CATSPERE: variants seen among roughly 807,000 people sequenced by gnomAD.
CATSPERE encodes the protein catsper channel auxiliary subunit epsilon, also known as cation channel sperm-associated auxiliary subunit epsilon.
Under a neutral mutation model 114.1 loss-of-function variants are expected in CATSPERE, and 93 were observed. The observed-to-expected ratio is 0.81, with a 90% confidence interval of 0.69 to 0.97. CATSPERE has a LOEUF of 0.97. Among genes scored for constraint, CATSPERE ranks in the 50% least tolerant of loss-of-function variants. CATSPERE has a pLI of 0.00. For synonymous variants in CATSPERE, 341 were observed against 384.1 expected, an observed-to-expected ratio of 0.89 and a Z score of 1.31; for missense variants, 1,058 against 1,131.6, an observed-to-expected ratio of 0.93 and a Z score of 0.93.
In CATSPERE at chr1:244,565,107, C is replaced by T. The variant is rs561138055; in HGVS notation, c.1507+3962C>T. ...ATCCCAGAGATGAAGCCGACTTGAT[C>T]GTAGTGGATAAGTTTTTTAATGTGC... On this transcript the variant is annotated intron_variant, in intron 10 of 21. Transcript: ENST00000366534. Among the ~76,000 whole-genome samples, 63 of 152,240 alleles carry T rather than the reference C, an allele frequency of 4.1e-4. No individual in the cohort carries two copies. The South Asian group carries it at 0.01, about 25-fold the overall frequency.
rs1386182261 is a variant in CATSPERE, at chr1:244,455,191, C to G, written n.237+578C>G. 2.0e-5 allele frequency among the ~76,000 whole-genome samples: 3 copies of G among 152,142 alleles called. No homozygotes were observed. The East Asian group carries it at 5.8e-4, about 29-fold the overall frequency. ...TGGGGGGTCTGGGTTCTATTCCTGGCTTCTGGAATGATTCCCTTCTGGTTT... is the reference window on the plus strand; with the variant it reads ...TGGGGGGTCTGGGTTCTATTCCTGGGTTCTGGAATGATTCCCTTCTGGTTT... On this transcript the variant is annotated intron_variant and non_coding_transcript_variant, in intron 1 of 15. Transcript: ENST00000473875.
intron 11 of CATSPERE, among the ~76,000 whole-genome samples, chr1:244,576,298 GC>G (rs1372067357): frequency 1.3e-5 from 2 of 151,910 alleles, no homozygotes; most frequent in Admixed American, 1.3e-4. Flanking sequence ...ACTAGAGACT[GC>G]CCCCAGAGGA....
At chr1:244,634,887 C>T (rs2806600) in intron 20 of CATSPERE, among the ~76,000 whole-genome samples, 134,526 of 152,194 alleles carry the variant, frequency 0.88, 59,551 homozygotes, top group East Asian at 0.92. Flanking sequence ...CTCTGTCGCC[C>T]AGGCTGGAGT....
intron 5 of CATSPERE, among the ~76,000 whole-genome samples, chr1:244,480,879 C>T (rs1670171217): frequency 6.6e-6 from 1 of 152,190 alleles, no homozygotes; most frequent in Non-Finnish European, 1.5e-5. Flanking sequence ...AACCGGCAGG[C>T]TTCTGTCCTT....
chr1:244,470,902 A>G (rs949186048), intron 2 of CATSPERE, among the ~76,000 whole-genome samples: 1 of 152,234 alleles, frequency 6.6e-6, no homozygotes, highest in African/African-American at 2.4e-5. Flanking sequence ...TAAGTGCAAG[A>G]AACCTTTCAC....
intron 7 of CATSPERE, among the ~76,000 whole-genome samples, chr1:244,506,940 G>A (rs183202447): frequency 1.3e-4 from 20 of 152,112 alleles, no homozygotes; most frequent in African/African-American, 3.9e-4. Flanking sequence ...TCTGGTGACC[G>A]CTTTTCAACT....
At chr1:244,477,678 A>G (rs1669583298) in intron 3 of CATSPERE, 64 bp downstream of exon 3, 2 of 1,129,654 alleles carry the variant, frequency 1.8e-6, no homozygotes, top group Non-Finnish European at 2.6e-6. Flanking sequence ...TATAATGTGA[A>G]CATTGAGATT....
At chr1:244,453,879 C>T (rs1254126905), upstream of CATSPERE, among the ~76,000 whole-genome samples, 2 of 152,062 alleles carry the variant, frequency 1.3e-5, no homozygotes. Flanking sequence ...CTGTTCGGCT[C>T]CTGGGGGGGT....
In CATSPERE at chr1:244,575,010, T is replaced by A. The variant is rs1470100427; in HGVS notation, c.1950+2238T>A. On this transcript the variant is annotated intron_variant, in intron 11 of 21. Coordinates refer to ENST00000366534, the MANE Select transcript of CATSPERE (RefSeq NM_001130957.2). This position sits in a 1 kb window ranked among gnomAD's most constrained non-coding sequence, Gnocchi z 4.5. ...ATCTCTGTCTCTTTCAGTCTCTCGC[T>A]CACTTATTCTCTCCCTCTATCTCTC... 6.6e-6 allele frequency among the ~76,000 whole-genome samples: 1 copy of A among 152,162 alleles called. No homozygotes were observed. The highest frequency in any genetic ancestry group is 2.4e-5 in the African/African-American group (1 of 41,452).
intron 7 of CATSPERE, among the ~76,000 whole-genome samples, chr1:244,517,258 C>A (rs1436957238): frequency 6.6e-6 from 1 of 151,464 alleles, no homozygotes. Flanking sequence ...TTAACTTTTT[C>A]TTGATATTTT....
chr1:244,493,241 C>T (rs541831337), intron 6 of CATSPERE, among the ~76,000 whole-genome samples: 6 of 152,192 alleles, frequency 3.9e-5, no homozygotes, highest in Non-Finnish European at 7.4e-5. Context: ...GGTACTGGTA[C>T]CAAAACAGAG....
chr1:244,515,635 T>C (rs1423929164), intron 7 of CATSPERE, among the ~76,000 whole-genome samples: 2 of 152,126 alleles, frequency 1.3e-5, no homozygotes, highest in African/African-American at 4.8e-5. Context: ...CTGGGAACCA[T>C]TAATAGAGCA....
chr1:244,576,698 T>G (rs1665314352), intron 11 of CATSPERE, among the ~76,000 whole-genome samples: 1 of 152,052 alleles, frequency 6.6e-6, no homozygotes, highest in Non-Finnish European at 1.5e-5. Context: ...CTTCAATTTC[T>G]TCTTAAAAAC....
At chr1:244,567,059 A>C (rs2148556761) in intron 10 of CATSPERE, among the ~76,000 whole-genome samples, 1 of 152,266 alleles carries the variant, frequency 6.6e-6, no homozygotes, top group East Asian at 1.9e-4. Flanking sequence ...AAAATCTCTC[A>C]GCATTTGCTT....
intron 7 of CATSPERE, among the ~76,000 whole-genome samples, chr1:244,514,828 C>CA (rs371207477): frequency 0.043 from 1,789 of 41,286 alleles, 48 homozygotes; most frequent in South Asian, 0.092. Flanking sequence ...GACTCCATCT[C>CA]AAAAAAAAAA....
At chr1:244,498,247 G>GA (rs1488245326) in intron 6 of CATSPERE, among the ~76,000 whole-genome samples, 18 of 152,174 alleles carry the variant, frequency 1.2e-4, no homozygotes, top group Admixed American at 7.2e-4. Context: ...AGAAGATTCA[G>GA]AAAAAATATG....
At chr1:244,604,192 T>G (rs1669662486) in intron 17 of CATSPERE, among the ~76,000 whole-genome samples, 1 of 152,164 alleles carries the variant, frequency 6.6e-6, no homozygotes, top group Non-Finnish European at 1.5e-5. Context: ...TCAGTAGAGT[T>G]TTTGAATACT....
At chr1:244,589,062 T>A (rs1379188135) in intron 14 of CATSPERE, among the ~76,000 whole-genome samples, 1 of 152,228 alleles carries the variant, frequency 6.6e-6, no homozygotes, top group African/African-American at 2.4e-5. Flanking sequence ...GGTTCTACTA[T>A]GGTTCATGAT....
chr1:244,464,102 G>T, intron 2 of CATSPERE, 146 bp downstream of exon 2: 1 of 638,456 alleles, frequency 1.6e-6, no homozygotes, highest in Non-Finnish European at 2.8e-6. Context: ...CCCTAACATA[G>T]GTCCCCTCCT....
Sources: gnomAD v4.1 joint callset for allele counts (sites outside exome capture counted in the v4.1 genomes callset) on GRCh38, gnomAD v4.1.1 for gene constraint, Gnocchi (gnomAD v3.1) non-coding constraint, MANE v1.5 for transcripts, NCBI Gene and HGNC (gene_info 2026-07-23, HGNC 2026-07-21) for gene names.